The following MMP16 variants were observed in gnomAD, a reference collection of about 807,000 sequenced individuals.
The protein encoded by MMP16 is matrix metalloproteinase-16.
Under a neutral mutation model 67.8 loss-of-function variants are expected in MMP16, and 12 were observed. The ratio of observed to expected loss-of-function variants is 0.18; its 90% CI spans 0.11 to 0.29. The LOEUF (loss-of-function observed/expected upper bound fraction) is 0.29, where lower values mean the gene tolerates loss of function less well. Among genes scored for constraint, MMP16 ranks in the 10% least tolerant of loss-of-function variants. MMP16 has a pLI of 1.00. For synonymous variants in MMP16, 249 were observed against 255.9 expected, an observed-to-expected ratio of 0.97 and a Z score of 0.26; for missense variants, 475 against 765.7, an observed-to-expected ratio of 0.62 and a Z score of 4.48.
At chr8:88,132,992 A>G (rs1157371016) in intron 4 of MMP16, among the ~76,000 whole-genome samples, 1 of 151,928 alleles carries the variant, frequency 6.6e-6, no homozygotes, top group Non-Finnish European at 1.5e-5. Flanking sequence ...AATAACAAGG[A>G]GTACTGCTAA....
intron 1 of MMP16, among the ~76,000 whole-genome samples, chr8:88,265,004 TG>T (rs2129958799): frequency 6.6e-6 from 1 of 152,328 alleles, no homozygotes; most frequent in East Asian, 1.9e-4. Context: ...CCTCTCCCTG[TG>T]GTATGTCTAC....
chr8:88,231,078 T>C (rs889789941), intron 1 of MMP16, among the ~76,000 whole-genome samples: 7 of 152,170 alleles, frequency 4.6e-5, no homozygotes, highest in Non-Finnish European at 8.8e-5. Context: ...GTGTCCAATA[T>C]AAAGATGAAC....
At chr8:88,157,377 C>A (rs1435217875) in intron 4 of MMP16, among the ~76,000 whole-genome samples, 2 of 151,766 alleles carry the variant, frequency 1.3e-5, no homozygotes, top group Admixed American at 6.6e-5. Context: ...ATTAAACCAT[C>A]TTATATAAGG....
chr8:88,246,012 T>C (rs547584351), intron 1 of MMP16, among the ~76,000 whole-genome samples: 2 of 152,340 alleles, frequency 1.3e-5, no homozygotes, highest in Admixed American at 1.3e-4. Context: ...AGAAATTCTC[T>C]GTTAATGTAC....
At chr8:88,190,466 T>G (rs1007883825) in intron 2 of MMP16, among the ~76,000 whole-genome samples, 3 of 152,194 alleles carry the variant, frequency 2.0e-5, no homozygotes, top group African/African-American at 7.2e-5. Context: ...TGCTCAGTGT[T>G]TAACAGGACT....
intron 9 of MMP16, among the ~76,000 whole-genome samples, chr8:88,042,777 T>C (rs1302789559): frequency 6.6e-6 from 1 of 152,324 alleles, no homozygotes; most frequent in African/African-American, 2.4e-5. Flanking sequence ...ACTACAAATA[T>C]GGACATTTTT....
intron 1 of MMP16, among the ~76,000 whole-genome samples, chr8:88,250,427 T>G (rs935331486): frequency 6.6e-6 from 1 of 152,088 alleles, no homozygotes; most frequent in African/African-American, 2.4e-5. Flanking sequence ...CCTGAAAATT[T>G]TAAATGTGAG....
At chr8:88,246,314 C>T (rs1351743381) in intron 1 of MMP16, among the ~76,000 whole-genome samples, 1 of 152,268 alleles carries the variant, frequency 6.6e-6, no homozygotes, top group African/African-American at 2.4e-5. Context: ...AAATTAAATA[C>T]ACGAAATAAT....
intron 1 of MMP16, among the ~76,000 whole-genome samples, chr8:88,260,948 A>C (rs1810379838): frequency 6.6e-6 from 1 of 152,158 alleles, no homozygotes; most frequent in Admixed American, 6.5e-5. Flanking sequence ...ATTAATTTGC[A>C]AATTTTTACA....
At chr8:88,269,895 C>A (rs1810538520) in intron 1 of MMP16, among the ~76,000 whole-genome samples, 2 of 152,198 alleles carry the variant, frequency 1.3e-5, no homozygotes, top group Admixed American at 1.3e-4. Context: ...CTTTTAAATG[C>A]ATAACTGTTT....
intron 5 of MMP16, among the ~76,000 whole-genome samples, chr8:88,117,119 A>G (rs1809450084): frequency 6.6e-6 from 1 of 152,170 alleles, no homozygotes; most frequent in African/African-American, 2.4e-5. Context: ...AGATTTCGAT[A>G]GATAATGATT....
intron 1 of MMP16, among the ~76,000 whole-genome samples, chr8:88,312,791 A>G (rs1811315319): frequency 6.6e-6 from 1 of 152,076 alleles, no homozygotes; most frequent in African/African-American, 2.4e-5. Flanking sequence ...CAACACGGTG[A>G]AACCCCATCT....
intron 3 of MMP16, among the ~76,000 whole-genome samples, chr8:88,175,297 A>G (rs532644625): frequency 6.6e-6 from 1 of 152,212 alleles, no homozygotes; most frequent in South Asian, 2.1e-4. Context: ...CTCTCACCCC[A>G]ATTCCTGTCT....
intron 1 of MMP16, among the ~76,000 whole-genome samples, chr8:88,264,056 A>AGG (rs2129956219): frequency 1.3e-5 from 1 of 77,396 alleles, no homozygotes; most frequent in Admixed American, 1.8e-4. Flanking sequence ...ATATATATAT[A>AGG]GGGAGAGAGA....
Position 88,167,963 on chromosome 8 carries a change from C to T in MMP16, c.415G>A (p.Val139Ile), listed in dbSNP as rs147772248. The T allele has an allele frequency of 1.1e-4, 170 of 1,607,808 alleles. No homozygotes were observed. The highest frequency in any genetic ancestry group is 1.7e-4 in the Middle Eastern group (1 of 5,988). ...TCAGGGTCTCCTACTTTTGGAGTTA[C>T]GTTCTTTATACTGAAAGTTAGAAAA... is the stretch of plus-strand genomic sequence containing the variant. Reference protein sequence around the residue: ...HKHITYSIKNVTPKVGDPETR... With the variant: ...HKHITYSIKNITPKVGDPETR... The change falls in exon 4 of 10, where the codon GTA becomes ATA. Residue 139 changes from valine (V) to isoleucine (I), a missense_variant. Coordinates refer to ENST00000286614, the MANE Select transcript of MMP16 (RefSeq NM_005941.5).
At chr8:88,177,348 C>T (rs559079170) in intron 3 of MMP16, among the ~76,000 whole-genome samples, 28 of 152,260 alleles carry the variant, frequency 1.8e-4, no homozygotes, top group Admixed American at 1.7e-3. Context: ...CTTCTTCATT[C>T]CATCAAAAAA....
At position 88,035,688 on chromosome 8, in the gene MMP16, GC is replaced by G. The variant is rs1425064564; in HGVS notation, c.*5772del. 1 of 151,868 alleles carries G rather than the reference GC, an allele frequency of 6.6e-6. No homozygotes were observed. Among genetic ancestry groups the G allele is most frequent in the Non-Finnish European group, 1.5e-5 (1 of 67,884 alleles). The allele number at this position is 151,868 out of a possible 1,614,324, so 9.4% of individuals were successfully genotyped here. ...TGATGCATGTCACGTCCAGTTATAA[GC>G]CCATAATTGTGTTTAAAAATTGAAG... On this transcript the variant is annotated 3_prime_UTR_variant, in exon 10 of 10. Coordinates refer to ENST00000286614, the MANE Select transcript of MMP16 (RefSeq NM_005941.5). This position sits in a 1 kb window ranked among gnomAD's most constrained non-coding sequence, Gnocchi z 4.7.
intron 5 of MMP16, among the ~76,000 whole-genome samples, chr8:88,118,012 G>A (rs553937111): frequency 1.4e-4 from 22 of 152,128 alleles, no homozygotes; most frequent in African/African-American, 5.1e-4. Context: ...AGGAAGTTAC[G>A]ATTATAGTAA....
At chr8:88,155,024 T>TAATA (rs1425797969) in intron 4 of MMP16, among the ~76,000 whole-genome samples, 1 of 152,150 alleles carries the variant, frequency 6.6e-6, no homozygotes, top group African/African-American at 2.4e-5. Flanking sequence ...AAATATCTGA[T>TAATA]AATAGCATGA....
Sources: gnomAD v4.1 joint callset for allele counts (sites outside exome capture counted in the v4.1 genomes callset) on GRCh38, gnomAD v4.1.1 for gene constraint, Gnocchi (gnomAD v3.1) non-coding constraint, MANE v1.5 for transcripts, NCBI Gene and HGNC (gene_info 2026-07-23, HGNC 2026-07-21) for gene names.